Variants in UNC5C observed in about 807,000 individuals in gnomAD.
UNC5C encodes the protein unc-5 netrin receptor C, also known as netrin receptor UNC5C.
In UNC5C, 47 loss-of-function variants were observed where a neutral mutation model predicts 99.8. That is an observed-to-expected ratio of 0.47 (90% CI 0.37 to 0.60). The LOEUF (loss-of-function observed/expected upper bound fraction) is 0.60, where lower values mean the gene tolerates loss of function less well. Among genes scored for constraint, UNC5C ranks in the 20% least tolerant of loss-of-function variants. The probability of loss-of-function intolerance (pLI) is 0.00; values close to 1 mark genes in which losing one functional copy is unlikely to be tolerated. For missense variants in UNC5C, 1,062 were observed against 1,165.9 expected, an observed-to-expected ratio of 0.91 and a Z score of 1.30; for synonymous variants, 487 against 452.2, an observed-to-expected ratio of 1.08 and a Z score of -0.98.
At chr4:95,358,556 G>T (rs553534604) in intron 1 of UNC5C, among the ~76,000 whole-genome samples, 1 of 152,074 alleles carries the variant, frequency 6.6e-6, no homozygotes, top group Non-Finnish European at 1.5e-5. Context: ...TTGACACCAG[G>T]TCACAAAATT....
intron 12 of UNC5C, among the ~76,000 whole-genome samples, chr4:95,201,680 T>C (rs912277702): frequency 6.6e-6 from 1 of 151,886 alleles, no homozygotes; most frequent in Non-Finnish European, 1.5e-5. Context: ...TTCGGCTCAC[T>C]GCAACCTCTG....
chr4:95,516,143 A>G (rs28559808), intron 1 of UNC5C, among the ~76,000 whole-genome samples: 45,058 of 152,058 alleles, frequency 0.3, 7,083 homozygotes, highest in Non-Finnish European at 0.35. Flanking sequence ...ATGTTTACCT[A>G]TGTTTTCAGA....
At chr4:95,530,554 T>G (rs895361109) in intron 1 of UNC5C, among the ~76,000 whole-genome samples, 6 of 152,218 alleles carry the variant, frequency 3.9e-5, no homozygotes, top group African/African-American at 1.4e-4. Flanking sequence ...CAACAGAATT[T>G]CCTGTAAGTT....
chr4:95,289,551 C>A (rs1182409974), intron 3 of UNC5C, among the ~76,000 whole-genome samples: 1 of 152,140 alleles, frequency 6.6e-6, no homozygotes, highest in Admixed American at 6.5e-5. Flanking sequence ...TGGTGTTGAA[C>A]ACATTCTAAT....
intron 1 of UNC5C, among the ~76,000 whole-genome samples, chr4:95,394,998 C>G (rs957553307): frequency 1.3e-5 from 2 of 152,190 alleles, no homozygotes; most frequent in Admixed American, 6.5e-5. Context: ...AGAATTAACT[C>G]AAAGGGCAAA....
At chr4:95,279,065 T>A (rs10010112) in intron 3 of UNC5C, among the ~76,000 whole-genome samples, 1 of 151,912 alleles carries the variant, frequency 6.6e-6, no homozygotes, top group African/African-American at 2.4e-5. Flanking sequence ...TTTTCCTCTT[T>A]TCTCACAATG....
At chr4:95,467,753 A>G (rs1325923750) in intron 1 of UNC5C, among the ~76,000 whole-genome samples, 1 of 152,180 alleles carries the variant, frequency 6.6e-6, no homozygotes, top group Admixed American at 6.5e-5. Flanking sequence ...TCATTCTCCA[A>G]ATCTTAACTA....
intron 1 of UNC5C, among the ~76,000 whole-genome samples, chr4:95,528,563 C>T (rs1387609266): frequency 1.3e-5 from 2 of 152,140 alleles, no homozygotes; most frequent in Non-Finnish European, 2.9e-5. Flanking sequence ...AACTCAAACT[C>T]TGTTGCTGAG....
chr4:95,170,305 G>C lies in UNC5C; in HGVS notation c.2479C>G (p.Leu827Val), dbSNP rs773911528. Residue 827 changes from leucine (L) to valine (V), a missense_variant, in exon 15 of 16, where the codon CTG (leucine) becomes GTG (valine). Physicochemically the swap from Leu to Val is conservative, Grantham distance 32. Coordinates refer to ENST00000453304, the MANE Select transcript of UNC5C (RefSeq NM_003728.4). ...GTGGTGATGGTGTTCGCAGGATCCA[G>C]CAGCGGCAAATCGATGCCAGTAGGT... Reference protein sequence around the residue: ...EEPTGIDLPLLDPANTITTVT... With the variant: ...EEPTGIDLPLVDPANTITTVT... 4 of 1,614,070 alleles carry C rather than the reference G, an allele frequency of 2.5e-6. No individual in the cohort carries two copies. Among genetic ancestry groups the C allele is most frequent in the Non-Finnish European group, 3.4e-6 (4 of 1,180,038 alleles).
chr4:95,308,751 C>CAAAGAAAAAAAAAA (rs1553962412), intron 2 of UNC5C, among the ~76,000 whole-genome samples: 1 of 34,396 alleles, frequency 2.9e-5, no homozygotes. Flanking sequence ...GACTCTGTCT[C>CAAAGAAAAAAAAAA]AAAAAAAAAA....
intron 2 of UNC5C, among the ~76,000 whole-genome samples, chr4:95,331,986 T>A (rs540702925): frequency 6.6e-6 from 1 of 151,882 alleles, no homozygotes. Context: ...TCAAAGAGAA[T>A]AAAATACCTA....
intron 1 of UNC5C, among the ~76,000 whole-genome samples, chr4:95,507,558 C>T (rs17024100): frequency 0.028 from 4,246 of 152,106 alleles, 195 homozygotes; most frequent in African/African-American, 0.091. Flanking sequence ...ACTTGTAGCA[C>T]TTAGCGGATC....
chr4:95,223,866 G>A (rs1176973654), intron 7 of UNC5C, among the ~76,000 whole-genome samples: 1 of 152,076 alleles, frequency 6.6e-6, no homozygotes, highest in African/African-American at 2.4e-5. Context: ...CCATCTTCCT[G>A]GAAGTGATGA....
chr4:95,504,993 G>A (rs1353708581), intron 1 of UNC5C, among the ~76,000 whole-genome samples: 3 of 151,690 alleles, frequency 2.0e-5, no homozygotes, highest in Admixed American at 6.6e-5. Flanking sequence ...AGAGACTTAC[G>A]CTTATTTACC....
chr4:95,371,239 T>C (rs563051698), intron 1 of UNC5C, among the ~76,000 whole-genome samples: 3 of 152,146 alleles, frequency 2.0e-5, no homozygotes, highest in South Asian at 4.1e-4. Context: ...CGTTTCTCCA[T>C]AGGTTATATC....
intron 4 of UNC5C, among the ~76,000 whole-genome samples, chr4:95,271,750 A>G (rs962677074): frequency 2.0e-5 from 3 of 152,206 alleles, no homozygotes; most frequent in African/African-American, 4.8e-5. Context: ...TTAAAGGTGA[A>G]TGTCAGGTCT....
At chr4:95,195,894 G>T (rs1303981056) in intron 12 of UNC5C, among the ~76,000 whole-genome samples, 1 of 148,260 alleles carries the variant, frequency 6.7e-6, no homozygotes, top group Non-Finnish European at 1.5e-5. Context: ...CATGCCCAAT[G>T]AGTCCATCAA....
intron 14 of UNC5C, 69 bp from the exon 15 acceptor site, chr4:95,170,401 C>T: frequency 6.6e-7 from 1 of 1,510,696 alleles, no homozygotes; most frequent in East Asian, 2.3e-5. Context: ...TTGAACCAAT[C>T]AACATAATGC....
chr4:95,523,111 C>A (rs1214174470), intron 1 of UNC5C, among the ~76,000 whole-genome samples: 1 of 152,124 alleles, frequency 6.6e-6, no homozygotes, highest in Non-Finnish European at 1.5e-5. Flanking sequence ...CAGGATAGGG[C>A]AGAGGAGGGG....
Sources: allele counts gnomAD v4.1 joint callset (sites outside exome capture counted in the v4.1 genomes callset), GRCh38; gene constraint gnomAD v4.1.1; transcripts MANE v1.5; gene names NCBI Gene and HGNC (gene_info 2026-07-23, HGNC 2026-07-21).